PDLIM5: variants seen among roughly 807,000 people sequenced by gnomAD.
The protein encoded by PDLIM5 is PDZ and LIM domain protein 5.
PDLIM5 carries 34 observed loss-of-function variants against 64.2 expected under a neutral mutation model. The observed-to-expected ratio is 0.53, with a 90% CI of 0.40 to 0.71. PDLIM5 has a LOEUF of 0.71. Ranked by LOEUF, PDLIM5 falls within the 30% of genes least tolerant of loss-of-function variation. The pLI is 0.00. For missense variants in PDLIM5, 683 were observed against 733.6 expected, an observed-to-expected ratio of 0.93 and a Z score of 0.80; for synonymous variants, 253 against 269.1, an observed-to-expected ratio of 0.94 and a Z score of 0.59.
intron 3 of PDLIM5, among the ~76,000 whole-genome samples, chr4:94,546,833 C>G (rs563144767): frequency 5.3e-5 from 8 of 150,294 alleles, no homozygotes; most frequent in African/African-American, 1.9e-4. Context: ...GACATTAGGC[C>G]CCCCCCACCT....
intron 4 of PDLIM5, among the ~76,000 whole-genome samples, chr4:94,574,235 C>G (rs369652364): frequency 1.3e-5 from 2 of 152,134 alleles, no homozygotes; most frequent in Non-Finnish European, 2.9e-5. Flanking sequence ...CGGTGGGTCA[C>G]GCCTGTAATC....
intron 3 of PDLIM5, among the ~76,000 whole-genome samples, chr4:94,564,861 T>C (rs1005674686): frequency 6.6e-6 from 1 of 151,646 alleles, no homozygotes; most frequent in Non-Finnish European, 1.5e-5. Context: ...TTTCACCGTG[T>C]TAGCCAGGAT....
chr4:94,662,946 A>G (rs1464328403), intron 12 of PDLIM5, among the ~76,000 whole-genome samples: 1 of 152,104 alleles, frequency 6.6e-6, no homozygotes, highest in Non-Finnish European at 1.5e-5. Context: ...GGAATAAACT[A>G]TATGTTGAGT....
At chr4:94,625,637 T>C (rs551634994) in intron 8 of PDLIM5, among the ~76,000 whole-genome samples, 5 of 152,202 alleles carry the variant, frequency 3.3e-5, no homozygotes, top group Admixed American at 2.6e-4. Context: ...GTATTTTTAG[T>C]AGAGACGGGG....
intron 3 of PDLIM5, among the ~76,000 whole-genome samples, chr4:94,526,404 T>C (rs1730356217): frequency 6.6e-6 from 1 of 152,164 alleles, no homozygotes; most frequent in Admixed American, 6.5e-5. Flanking sequence ...CTTAATCATA[T>C]CTTCATATTT....
chr4:94,506,416 G>A (rs1254240408), intron 2 of PDLIM5, among the ~76,000 whole-genome samples: 2 of 152,166 alleles, frequency 1.3e-5, no homozygotes, highest in East Asian at 3.9e-4. Flanking sequence ...GGAACTCTGA[G>A]ATCAAGTTGC....
At chr4:94,652,482 G>A (rs1741916129) in intron 9 of PDLIM5, among the ~76,000 whole-genome samples, 1 of 152,188 alleles carries the variant, frequency 6.6e-6, no homozygotes, top group African/African-American at 2.4e-5. Flanking sequence ...CTGGCTTTGA[G>A]CAGTGTGATT....
intron 9 of PDLIM5, among the ~76,000 whole-genome samples, chr4:94,641,047 A>T (rs1393074964): frequency 6.6e-6 from 1 of 152,210 alleles, no homozygotes; most frequent in Non-Finnish European, 1.5e-5. Flanking sequence ...TTAAGAATGC[A>T]CTGTACTGCA....
intron 12 of PDLIM5, among the ~76,000 whole-genome samples, chr4:94,662,874 C>T (rs1221538599): frequency 6.7e-6 from 1 of 148,744 alleles, no homozygotes; most frequent in East Asian, 2.0e-4. Flanking sequence ...TTTTTGGAAA[C>T]GTTAGGTACT....
At chr4:94,560,598 A>G (rs1399695829) in intron 3 of PDLIM5, among the ~76,000 whole-genome samples, 1 of 152,230 alleles carries the variant, frequency 6.6e-6, no homozygotes, top group East Asian at 1.9e-4. Flanking sequence ...AACTTGTCCC[A>G]GGTTGAACAA....
intron 8 of PDLIM5, among the ~76,000 whole-genome samples, chr4:94,633,782 G>C (rs984000815): frequency 6.6e-6 from 1 of 152,186 alleles, no homozygotes; most frequent in Non-Finnish European, 1.5e-5. Flanking sequence ...TAGATAAAGA[G>C]AAACTGCTGA....
At chr4:94,494,486 C>T (rs1225958783) in intron 2 of PDLIM5, among the ~76,000 whole-genome samples, 2 of 120,376 alleles carry the variant, frequency 1.7e-5, no homozygotes, top group Admixed American at 2.3e-4. Context: ...GTCGCCCATG[C>T]TGGAGTGCAA....
chr4:94,612,932 T>C (rs1380865054), intron 7 of PDLIM5, among the ~76,000 whole-genome samples: 3 of 150,986 alleles, frequency 2.0e-5, no homozygotes, highest in African/African-American at 7.3e-5. Context: ...TCCATTAAAA[T>C]ATATTTCCAT....
chr4:94,526,405 C>T (rs1730356466), intron 3 of PDLIM5, among the ~76,000 whole-genome samples: 1 of 152,138 alleles, frequency 6.6e-6, no homozygotes, highest in Admixed American at 6.5e-5. Flanking sequence ...TTAATCATAT[C>T]TTCATATTTC....
rs147442812 is a variant in PDLIM5 at position 94,479,696 on chromosome 4, T to C, written c.96+24312T>C. Reference sequence around the variant, plus strand: ...ATGAGAAACTAAACCATTCTTAGATTATTCCATTTTAAGATATACGTGAAA... The same window carrying C: ...ATGAGAAACTAAACCATTCTTAGATCATTCCATTTTAAGATATACGTGAAA... On this transcript the variant is annotated intron_variant, in intron 2 of 12. Transcript: ENST00000317968. Among the ~76,000 whole-genome samples, 366 of 152,316 alleles carry C rather than the reference T, an allele frequency of 2.4e-3. 1 individual carries two copies. The highest frequency in any genetic ancestry group is 3.2e-3 in the Non-Finnish European group (218 of 68,026).
At chr4:94,532,877 G>A (rs183769809) in intron 3 of PDLIM5, among the ~76,000 whole-genome samples, 14 of 152,226 alleles carry the variant, frequency 9.2e-5, no homozygotes, top group South Asian at 2.1e-4. Flanking sequence ...GGTGGTACGC[G>A]TCTGTATTCC....
chr4:94,576,539 A>C (rs1735276674), intron 5 of PDLIM5, among the ~76,000 whole-genome samples: 1 of 152,260 alleles, frequency 6.6e-6, no homozygotes, highest in South Asian at 2.1e-4. Flanking sequence ...GCATTAGCTT[A>C]GAGCAGAGAG....
chr4:94,587,026 A>G (rs754676055), intron 7 of PDLIM5: 28 of 1,607,222 alleles, frequency 1.7e-5, no homozygotes, highest in Non-Finnish European at 2.4e-5. Flanking sequence ...TCCCAAATAC[A>G]CAAAATTACG....
intron 8 of PDLIM5, among the ~76,000 whole-genome samples, chr4:94,639,764 T>C (rs1376663681): frequency 6.6e-6 from 1 of 152,190 alleles, no homozygotes; most frequent in Non-Finnish European, 1.5e-5. Flanking sequence ...TCACCTTCAA[T>C]ATTTACCTTA....
Sources: allele counts gnomAD v4.1 joint callset (sites outside exome capture counted in the v4.1 genomes callset), GRCh38; gene constraint gnomAD v4.1.1; transcripts MANE v1.5; gene names NCBI Gene and HGNC (gene_info 2026-07-23, HGNC 2026-07-21).